Variants in ZNF420 observed in about 807,000 individuals in gnomAD.
The protein encoded by ZNF420 is zinc finger protein 420, also known as ATM and p53-associated KZNF protein.
A neutral mutation model predicts 44.7 loss-of-function variants in ZNF420; 31 were observed. The ratio of observed to expected loss-of-function variants is 0.69; its 90% CI spans 0.52 to 0.94. ZNF420 has a LOEUF of 0.94. ZNF420 is among the 40% of genes least tolerant of loss of function. ZNF420 has a pLI of 0.00. For missense variants in ZNF420, 681 were observed against 827.9 expected (o/e 0.82, Z 2.18); for synonymous variants, 245 against 267.4 (o/e 0.92, Z 0.82).
chr19:37,081,666 C>T lies in ZNF420; in HGVS notation c.-81+1278C>T, dbSNP rs146275001. ...TTAGCCTCCCGAGTAGCTGGGAATACAGGCGGGCACGACCATGCCCAGCTA... is the reference window on the plus strand; with the variant it reads ...TTAGCCTCCCGAGTAGCTGGGAATATAGGCGGGCACGACCATGCCCAGCTA... On this transcript the variant is annotated intron_variant, in intron 2 of 4. Transcript: ENST00000337995. Among the ~76,000 whole-genome samples, 271 of 148,798 alleles carry T rather than the reference C, an allele frequency of 1.8e-3. 1 individual carries two copies. The East Asian group carries it at 0.026, about 14-fold the overall frequency.
intron 1 of ZNF420, among the ~76,000 whole-genome samples, chr19:37,012,020 G>A (rs927478778): frequency 4.6e-5 from 7 of 152,184 alleles, no homozygotes; most frequent in African/African-American, 1.7e-4. Context: ...CCCCAGCGAG[G>A]CCCTGCCCGC....
In ZNF420 at chr19:37,129,082, T is replaced by C; in HGVS notation, c.*24T>C. 1 of 1,587,708 alleles carries C rather than the reference T, an allele frequency of 6.3e-7. No individual in the cohort carries two copies. Among genetic ancestry groups the C allele is most frequent in the Non-Finnish European group, 8.6e-7 (1 of 1,163,926 alleles). ...GAATTGTCTGATTATTTGAGATCAC[T>C]ATGAAGAGGTTCTCTGGTTGTTAGC... is the stretch of plus-strand genomic sequence containing the variant. On this transcript the variant is annotated 3_prime_UTR_variant, in exon 5 of 5. Transcript: ENST00000337995.
At chr19:37,104,385 T>C (rs1403552111) in intron 4 of ZNF420, among the ~76,000 whole-genome samples, 2 of 152,126 alleles carry the variant, frequency 1.3e-5, no homozygotes, top group South Asian at 2.1e-4. Flanking sequence ...CAGTCTATCA[T>C]TGATGGACAT....
intron 1 of ZNF420, among the ~76,000 whole-genome samples, chr19:37,055,614 C>T (rs763594771): frequency 3.9e-5 from 6 of 152,102 alleles, no homozygotes; most frequent in African/African-American, 7.2e-5. Flanking sequence ...TTAGGCAATG[C>T]GGATGCATGA....
chr19:37,128,842 C>G lies in ZNF420; in HGVS notation c.1851C>G (p.Cys617Trp). Reference protein sequence around the residue: ...RIHTGEKPYECRECRKAFTQS... With the variant: ...RIHTGEKPYEWRECRKAFTQS... Reference sequence around the variant, plus strand: ...ATACTGGTGAGAAGCCCTATGAATGCAGAGAATGTAGAAAGGCCTTTACTC... The same window carrying G: ...ATACTGGTGAGAAGCCCTATGAATGGAGAGAATGTAGAAAGGCCTTTACTC... The change falls in exon 5 of 5, where the codon TGC becomes TGG. Residue 617 changes from cysteine to tryptophan, a missense_variant. Physicochemically the swap from Cys to Trp is radical, Grantham distance 215. Transcript: ENST00000337995. 6.2e-7 allele frequency: 1 copy of G among 1,611,396 alleles called. No homozygotes were observed. Among genetic ancestry groups the G allele is most frequent in the Non-Finnish European group, 8.5e-7 (1 of 1,179,352 alleles).
Position 37,129,219 on chromosome 19 carries a change from A to G in ZNF420, c.*161A>G. ...AGTGTCATTCATATAGAAAAACATCATTACTGGAAACCTATTAAACATTAG... is the reference window on the plus strand; with the variant it reads ...AGTGTCATTCATATAGAAAAACATCGTTACTGGAAACCTATTAAACATTAG... On this transcript the variant is annotated 3_prime_UTR_variant, in exon 5 of 5. Coordinates refer to ENST00000337995, the MANE Select transcript of ZNF420 (RefSeq NM_144689.5). 2 of 868,520 alleles carry G rather than the reference A, an allele frequency of 2.3e-6. No individual in the cohort carries two copies. The highest frequency in any genetic ancestry group is 3.5e-6 in the Non-Finnish European group (2 of 573,968). 53.8% of individuals were successfully genotyped at this position (868,520 alleles called of 1,614,324 possible). A position where few individuals can be genotyped will look rare whatever the true frequency, so the allele number is the denominator to read the frequency against.
rs756348801 is a variant in ZNF420, at chr19:37,128,532, A to G, written c.1541A>G (p.Gln514Arg). The change falls in exon 5 of 5, where the codon CAG becomes CGG. Residue 514 changes from glutamine to arginine, a missense_variant. Transcript: ENST00000337995. ...AAAGAATGTAGAATGGCCTTTACTC[A>G]GAGTTCACATCTTTCCCAACATCAA... ...ECKECRMAFT[Q>R]SSHLSQHQRL... The G allele has an allele frequency of 6.2e-7, 1 of 1,613,922 alleles. No homozygotes were observed. The highest frequency in any genetic ancestry group is 8.5e-7 in the Non-Finnish European group (1 of 1,179,912).
At chr19:37,067,679 G>A (rs945489537) in intron 1 of ZNF420, among the ~76,000 whole-genome samples, 1 of 152,128 alleles carries the variant, frequency 6.6e-6, no homozygotes, top group African/African-American at 2.4e-5. Context: ...TTCAACAATA[G>A]ATCCTCACTG....
At chr19:37,039,826 G>C (rs1336293174) in intron 1 of ZNF420, among the ~76,000 whole-genome samples, 1 of 151,744 alleles carries the variant, frequency 6.6e-6, no homozygotes, top group African/African-American at 2.4e-5. Flanking sequence ...TCAGCCTCCT[G>C]AGTTGCTTGT....
intron 4 of ZNF420, among the ~76,000 whole-genome samples, chr19:37,102,581 T>G (rs1423317425): frequency 6.6e-6 from 1 of 152,198 alleles, no homozygotes. Flanking sequence ...GCTTTGAACA[T>G]GGGATCAGCA....
At chr19:37,122,615 T>C (rs1228977882) in intron 4 of ZNF420, among the ~76,000 whole-genome samples, 1 of 151,914 alleles carries the variant, frequency 6.6e-6, no homozygotes, top group Non-Finnish European at 1.5e-5. Flanking sequence ...AAGTATAATT[T>C]AAAAAAACAA....
chr19:37,012,727 GC>G (rs2074579315), intron 1 of ZNF420, among the ~76,000 whole-genome samples: 1 of 151,814 alleles, frequency 6.6e-6, no homozygotes, highest in South Asian at 2.1e-4. Context: ...CTCAGGGGTT[GC>G]CTGGGGGGGT....
chr19:37,088,482 C>CA (rs201600417), intron 2 of ZNF420, among the ~76,000 whole-genome samples: 3,369 of 152,222 alleles, frequency 0.022, 59 homozygotes, highest in Non-Finnish European at 0.035. Context: ...GTATTGATGG[C>CA]AATGCTAATT....
At chr19:37,023,308 A>G (rs897637054) in intron 1 of ZNF420, among the ~76,000 whole-genome samples, 10 of 152,192 alleles carry the variant, frequency 6.6e-5, no homozygotes, top group Admixed American at 3.3e-4. Flanking sequence ...ATTTTCCTCT[A>G]TTACGAATGG....
intron 1 of ZNF420, among the ~76,000 whole-genome samples, chr19:37,013,497 G>C (rs1264190023): frequency 6.6e-6 from 1 of 152,168 alleles, no homozygotes; most frequent in African/African-American, 2.4e-5. Flanking sequence ...GCCCGGATTT[G>C]AGGAGGTCAC....
At chr19:37,075,897 T>C (rs915535328), upstream of ZNF420, among the ~76,000 whole-genome samples, 8 of 152,198 alleles carry the variant, frequency 5.3e-5, no homozygotes, top group African/African-American at 1.9e-4. Flanking sequence ...AGCAGGAGTT[T>C]TGTGTGTATC....
At chr19:37,096,358 T>C (rs1235079699) in intron 4 of ZNF420, among the ~76,000 whole-genome samples, 1 of 152,202 alleles carries the variant, frequency 6.6e-6, no homozygotes, top group African/African-American at 2.4e-5. Flanking sequence ...CTTGTATCCA[T>C]GGGGACTCTT....
upstream of ZNF420, among the ~76,000 whole-genome samples, chr19:37,073,762 A>AAAAAAG (rs1968101013): frequency 6.6e-6 from 1 of 151,470 alleles, no homozygotes; most frequent in South Asian, 2.1e-4. Context: ...AAAAAAAAAA[A>AAAAAAG]AAAAGAAAAG....
chr19:37,127,763 A>C lies in ZNF420; in HGVS notation c.772A>C (p.Lys258Gln), dbSNP rs1203798139. 6.2e-7 allele frequency: 1 copy of C among 1,614,046 alleles called. No homozygotes were observed. The highest frequency in any genetic ancestry group is 8.5e-7 in the Non-Finnish European group (1 of 1,179,958). The change falls in exon 5 of 5, where the codon AAG becomes CAG. Residue 258 changes from lysine (K) to glutamine (Q), a missense_variant. Physicochemically the swap from Lys to Gln is moderately conservative, Grantham distance 53 (BLOSUM62 1). This residue lies in a region of ZNF420 where 350 missense variants were observed against 382.5 expected (regional missense o/e 0.92). Transcript: ENST00000337995. ...ACCTTATGAATGTAAAGAATGTGGG[A>C]AGGCCTTTACTCAGAATTCACAACT... is the stretch of plus-strand genomic sequence containing the variant. ...EKPYECKECG[K>Q]AFTQNSQLTL...
Sources: allele counts gnomAD v4.1 joint callset (sites outside exome capture counted in the v4.1 genomes callset), GRCh38; gene constraint gnomAD v4.1.1; regional missense constraint gnomAD v4.1.1; transcripts MANE v1.5; gene names NCBI Gene and HGNC (gene_info 2026-07-23, HGNC 2026-07-21).